RNF212: variants seen among roughly 807,000 people sequenced by gnomAD.
RNF212 encodes the protein probable E3 SUMO-protein ligase RNF212.
In RNF212, 33 loss-of-function variants were observed where a neutral mutation model predicts 34.7. That is an observed-to-expected ratio of 0.95 (90% CI 0.72 to 1.27). The LOEUF (loss-of-function observed/expected upper bound fraction) is 1.27. Ranked by LOEUF, RNF212 falls within the 50% of genes most tolerant of loss-of-function variation. The probability of loss-of-function intolerance (pLI) is 0.00; values close to 1 mark genes in which losing one functional copy is unlikely to be tolerated. For synonymous variants in RNF212, 140 were observed against 136.1 expected, an observed-to-expected ratio of 1.03 and a Z score of -0.20; for missense variants, 377 against 362.2, an observed-to-expected ratio of 1.04 and a Z score of -0.33.
chr4:1,101,791 A>G (rs1228779686), intron 2 of RNF212, among the ~76,000 whole-genome samples: 1 of 152,194 alleles, frequency 6.6e-6, no homozygotes, highest in Non-Finnish European at 1.5e-5. Context: ...ATATCTGTAC[A>G]TACACCTAAG....
chr4:1,070,276 C>T (rs1338515054), downstream of RNF212, among the ~76,000 whole-genome samples: 20 of 122,556 alleles, frequency 1.6e-4, no homozygotes, highest in South Asian at 2.9e-4. Flanking sequence ...TCAGCGTGGA[C>T]GCCTGGCCTG....
Position 1,108,396 on chromosome 4 carries a change from TC to T in RNF212, c.117del (p.Asn40MetfsTer4). The T allele has an allele frequency of 6.7e-7, 1 of 1,491,674 alleles. No individual in the cohort carries two copies. Among genetic ancestry groups the T allele is most frequent in the Non-Finnish European group, 8.9e-7 (1 of 1,125,270 alleles). 92.4% of individuals were successfully genotyped at this position (1,491,674 alleles called of 1,614,324 possible). A position where few individuals can be genotyped will look rare whatever the true frequency, so the allele number is the denominator to read the frequency against. On this transcript the variant is annotated frameshift_variant, in exon 2 of 10. Coordinates refer to ENST00000433731, the MANE Select transcript of RNF212 (RefSeq NM_001131034.4). LOFTEE classifies it high-confidence loss of function. ...YCDACLGKGK[K>X]NECLICKAPC... is the part of the protein sequence containing the mutation. ...GGAGCTTTACAAATCAAGCATTCATTCTTTTTACCTATAAAATAAAAATAGG... is the reference window on the plus strand; with the variant it reads ...GGAGCTTTACAAATCAAGCATTCATTTTTTTACCTATAAAATAAAAATAGG...
intron 1 of RNF212, among the ~76,000 whole-genome samples, chr4:1,111,504 G>C (rs568761413): frequency 3.3e-5 from 5 of 152,222 alleles, no homozygotes; most frequent in African/African-American, 1.2e-4. Flanking sequence ...CTCCTCTCCA[G>C]TGTTTTGTCT....
chr4:1,056,885 G>C (rs61746178), intron 4 of RNF212: 299 of 988,010 alleles, frequency 3.0e-4, no homozygotes, highest in East Asian at 4.5e-4. Flanking sequence ...GGGCGGCCGG[G>C]GGGGCAGCCT....
chr4:1,079,874 C>T (rs543669307), intron 7 of RNF212, among the ~76,000 whole-genome samples, 186 bp from the exon 8 acceptor site: 9 of 152,352 alleles, frequency 5.9e-5, no homozygotes, highest in East Asian at 1.9e-4. Context: ...TAGGGCCACC[C>T]GCCGTCTGTA....
At chr4:1,058,544 G>C (rs1253297732) in intron 3 of RNF212, 2 of 173,748 alleles carry the variant, frequency 1.2e-5, no homozygotes, top group East Asian at 3.8e-4. Context: ...ACACAGGCAC[G>C]CGGGGTCCTC....
At chr4:1,080,919 G>A (rs537279287) in intron 7 of RNF212, among the ~76,000 whole-genome samples, 1 of 152,250 alleles carries the variant, frequency 6.6e-6, no homozygotes, top group Non-Finnish European at 1.5e-5. Flanking sequence ...CCAGAGTGAT[G>A]GCCAGGCAGG....
At chr4:1,081,166 C>T (rs1390964641) in intron 7 of RNF212, among the ~76,000 whole-genome samples, 2 of 152,272 alleles carry the variant, frequency 1.3e-5, no homozygotes, top group South Asian at 2.1e-4. Flanking sequence ...CACTGGGTCA[C>T]ATGATCATTC....
intron 4 of RNF212, among the ~76,000 whole-genome samples, chr4:1,057,415 T>C (rs540598825): frequency 1.3e-5 from 2 of 152,128 alleles, no homozygotes; most frequent in Non-Finnish European, 2.9e-5. Flanking sequence ...TGCTTAAATA[T>C]GCAGCAGACG....
intron 3 of RNF212, among the ~76,000 whole-genome samples, chr4:1,064,007 A>C (rs1420962563): frequency 6.6e-6 from 1 of 151,662 alleles, no homozygotes; most frequent in Non-Finnish European, 1.5e-5. Context: ...ATGAAGACAA[A>C]GACATTCAAA....
chr4:1,082,356 T>G (rs759971102), intron 5 of RNF212, among the ~76,000 whole-genome samples: 7 of 151,976 alleles, frequency 4.6e-5, no homozygotes, highest in Non-Finnish European at 8.8e-5. Flanking sequence ...GTGGACATGC[T>G]GAGATGCACA....
At chr4:1,085,847 T>C (rs1721076127) in intron 5 of RNF212, 49 bp downstream of exon 5, 2 of 1,259,692 alleles carry the variant, frequency 1.6e-6, no homozygotes, top group South Asian at 1.2e-5. Context: ...CCAATGCACA[T>C]GGCAGTGGGT....
intron 2 of RNF212, among the ~76,000 whole-genome samples, chr4:1,101,803 A>G (rs1724035758): frequency 6.6e-6 from 1 of 152,212 alleles, no homozygotes. Flanking sequence ...ACACCTAAGA[A>G]AGCTTGCAGC....
At chr4:1,063,361 G>C (rs1717873428) in intron 3 of RNF212, among the ~76,000 whole-genome samples, 1 of 152,220 alleles carries the variant, frequency 6.6e-6, no homozygotes. Context: ...AGCAGCAAGA[G>C]AAGAGCAACT....
At chr4:1,060,012 T>C (rs1717637178) in intron 3 of RNF212, among the ~76,000 whole-genome samples, 1 of 149,438 alleles carries the variant, frequency 6.7e-6, no homozygotes, top group South Asian at 2.1e-4. Context: ...GAGAATCACT[T>C]GAACCTGGGA....
intron 5 of RNF212, 133 bp downstream of exon 5, chr4:1,085,763 T>G (rs566293504): frequency 2.7e-5 from 19 of 706,660 alleles, no homozygotes; most frequent in South Asian, 2.1e-4. Flanking sequence ...TGATGAAAGT[T>G]TCTGGTAAAT....
intron 2 of RNF212, chr4:1,099,766 T>C (rs77018707): frequency 0.013 from 5,759 of 456,078 alleles, 152 homozygotes; most frequent in African/African-American, 0.071. Context: ...GCAGAGGGCG[T>C]AAGGAATGGA....
chr4:1,076,085 TTTAAGG>T (rs1560104751), intron 8 of RNF212, among the ~76,000 whole-genome samples: 1 of 152,216 alleles, frequency 6.6e-6, no homozygotes, highest in Non-Finnish European at 1.5e-5. Flanking sequence ...GCCATGCTCA[TTTAAGG>T]TTAACAGCCT....
At chr4:1,078,467 T>C (rs1009625071) in intron 8 of RNF212, among the ~76,000 whole-genome samples, 2 of 152,230 alleles carry the variant, frequency 1.3e-5, no homozygotes, top group African/African-American at 4.8e-5. Context: ...GCCTGGACTC[T>C]CCCTGAGTTC....
Sources: allele counts gnomAD v4.1 joint callset (sites outside exome capture counted in the v4.1 genomes callset), GRCh38; gene constraint gnomAD v4.1.1; transcripts MANE v1.5; gene names NCBI Gene and HGNC (gene_info 2026-07-23, HGNC 2026-07-21).